Variants in TRMT9B observed in about 807,000 individuals in gnomAD.
The protein encoded by TRMT9B is tRNA methyltransferase 9B (putative), also known as probable tRNA methyltransferase 9B.
TRMT9B carries 16 observed loss-of-function variants against 11.5 expected under a neutral mutation model. The observed-to-expected ratio is 1.39, with a 90% CI of 0.94 to 2.11. The LOEUF is 2.11. Among genes scored for constraint, TRMT9B ranks in the 30% most tolerant of loss-of-function variants. The pLI is 0.00. For missense variants in TRMT9B, 941 were observed against 553.8 expected, an observed-to-expected ratio of 1.70 and a Z score of -7.02; for synonymous variants, 274 against 192.4, an observed-to-expected ratio of 1.42 and a Z score of -3.51.
intron 1 of TRMT9B, among the ~76,000 whole-genome samples, chr8:12,973,780 C>T (rs1293213015): frequency 6.6e-6 from 1 of 152,134 alleles, no homozygotes; most frequent in African/African-American, 2.4e-5. Flanking sequence ...CCATGAGATC[C>T]ACAAAACACT....
intron 2 of TRMT9B, among the ~76,000 whole-genome samples, chr8:13,004,073 C>A (rs1338140572): frequency 6.6e-6 from 1 of 151,928 alleles, no homozygotes; most frequent in Admixed American, 6.6e-5. Flanking sequence ...AGCCATGTGG[C>A]TGAACTCAGC....
intron 2 of TRMT9B, among the ~76,000 whole-genome samples, chr8:12,992,261 A>T (rs1490425282): frequency 2.6e-5 from 4 of 152,206 alleles, no homozygotes. Context: ...TGCCGTCCAA[A>T]AACTTATAAT....
chr8:13,016,094 G>GTATATATATATGATA (rs1441501045), intron 4 of TRMT9B, among the ~76,000 whole-genome samples: 3 of 141,414 alleles, frequency 2.1e-5, no homozygotes, highest in Admixed American at 7.2e-5. Flanking sequence ...AATCATATGG[G>GTATATATATATGATA]TATATATATA....
chr8:12,961,674 C>G (rs1031678306), intron 1 of TRMT9B: 1 of 143,788 alleles, frequency 7.0e-6, no homozygotes, highest in Non-Finnish European at 1.5e-5. Context: ...GCACTCCAGC[C>G]TGGGTGACAG....
intron 1 of TRMT9B, among the ~76,000 whole-genome samples, chr8:12,983,986 A>G (rs988310646): frequency 2.6e-5 from 4 of 152,186 alleles, no homozygotes; most frequent in Admixed American, 6.5e-5. Context: ...GTATATGAAC[A>G]TGATTGCTTA....
chr8:13,011,042 T>C, intron 3 of TRMT9B: 1 of 607,592 alleles, frequency 1.6e-6, no homozygotes, highest in Non-Finnish European at 2.1e-6. Flanking sequence ...TGGAGTGAGG[T>C]GATGCTACCC....
rs1381718317 is a variant in TRMT9B at position 13,023,155 on chromosome 8, G to C, written c.*1111G>C. The stretch of plus-strand genomic sequence containing the variant: ...TATTAGCAAGATTGTTATCAATCAT[G>C]CTTATTAGAAGGATGAATATCCAAG... On this transcript the variant is annotated 3_prime_UTR_variant, in exon 5 of 5. Transcript: ENST00000524591. 1.2e-5 allele frequency: 2 copies of C among 167,046 alleles called. No individual in the cohort carries two copies. The highest frequency in any genetic ancestry group is 4.1e-4 in the South Asian group (2 of 4,832). The allele number at this position is 167,046 out of a possible 1,614,324, so 10.3% of individuals were successfully genotyped here.
chr8:13,012,276 TAAA>T (rs748312519), intron 3 of TRMT9B: 63 of 941,182 alleles, frequency 6.7e-5, no homozygotes, highest in South Asian at 2.0e-4. Flanking sequence ...CTTGGTTAGT[TAAA>T]AAAAAAAAAA....
chr8:13,011,020 C>T, intron 3 of TRMT9B: 1 of 750,536 alleles, frequency 1.3e-6, no homozygotes, highest in Middle Eastern at 6.9e-4. Flanking sequence ...CTAACTCTGT[C>T]ATCACCTAGG....
At position 13,021,176 on chromosome 8, in the gene TRMT9B, C is replaced by A. The variant is rs368780276; in HGVS notation, c.497C>A (p.Ser166Tyr). 2.1e-5 allele frequency: 34 copies of A among 1,613,742 alleles called. No homozygotes were observed. The Middle Eastern group carries it at 5.0e-4, about 24-fold the overall frequency. The change falls in exon 5 of 5, where the codon TCC (serine) becomes TAC (tyrosine). Residue 166 changes from serine (S) to tyrosine (Y), a missense_variant. Transcript: ENST00000524591. ...VLVPWNRALC[S>Y]QLFSESSQSG... is the part of the protein sequence containing the mutation. ...GTTCCATGGAACAGGGCTCTGTGTT[C>A]CCAGCTCTTCTCAGAGTCCAGCCAG...
intron 3 of TRMT9B, chr8:13,012,371 G>T: frequency 2.9e-6 from 2 of 679,640 alleles, no homozygotes; most frequent in Non-Finnish European, 3.7e-6. Flanking sequence ...GAGGTTGGGA[G>T]TTCGAGACCA....
At position 13,028,695 on chromosome 8, in the gene TRMT9B, C is replaced by T. The variant is rs36090994; in HGVS notation, c.*6651C>T. ...GGTTTAAGCAATTCTCGTGCCTCAGCCTCCTGAATAGCTGGGATTACAGGA... is the reference window on the plus strand; with the variant it reads ...GGTTTAAGCAATTCTCGTGCCTCAGTCTCCTGAATAGCTGGGATTACAGGA... On this transcript the variant is annotated 3_prime_UTR_variant, in exon 5 of 5. Transcript: ENST00000524591. 7,339 of 152,778 alleles carry T rather than the reference C, an allele frequency of 0.048. 221 individuals are homozygous for T. Among genetic ancestry groups the T allele is most frequent in the South Asian group, 0.098 (471 of 4,794 alleles). The allele number at this position is 152,778 out of a possible 1,614,324, so 9.5% of individuals were successfully genotyped here.
intron 1 of TRMT9B, among the ~76,000 whole-genome samples, chr8:12,956,648 A>G (rs957016002): frequency 6.6e-6 from 1 of 152,234 alleles, no homozygotes; most frequent in Non-Finnish European, 1.5e-5. Flanking sequence ...GAGAAATAAT[A>G]GCACCTGGCT....
chr8:12,967,958 C>T (rs543516221), intron 1 of TRMT9B, among the ~76,000 whole-genome samples: 3 of 152,198 alleles, frequency 2.0e-5, no homozygotes, highest in African/African-American at 4.8e-5. Flanking sequence ...TGCAGTGGCA[C>T]GATCTTGGCT....
chr8:12,999,439 C>T (rs58097543), intron 2 of TRMT9B, among the ~76,000 whole-genome samples: 7 of 151,586 alleles, frequency 4.6e-5, no homozygotes, highest in East Asian at 1.9e-4. Context: ...TACACGCATA[C>T]GCACACACAT....
chr8:12,976,633 TA>T (rs1804498764), intron 1 of TRMT9B, among the ~76,000 whole-genome samples: 1 of 152,090 alleles, frequency 6.6e-6, no homozygotes, highest in South Asian at 2.1e-4. Context: ...CAGATTTCTG[TA>T]AAAAGTGGCA....
intron 1 of TRMT9B, among the ~76,000 whole-genome samples, chr8:12,949,552 T>C (rs1401471): frequency 0.33 from 50,037 of 152,116 alleles, 9,853 homozygotes; most frequent in Middle Eastern, 0.48. Flanking sequence ...CCGCTTATGA[T>C]GGCCTCAACT....
At chr8:13,001,916 T>A (rs1239756731) in intron 2 of TRMT9B, among the ~76,000 whole-genome samples, 1 of 152,192 alleles carries the variant, frequency 6.6e-6, no homozygotes, top group Non-Finnish European at 1.5e-5. Context: ...GCTCTTGTTT[T>A]AGTACTAGTC....
chr8:13,004,287 C>A (rs1241332083), intron 2 of TRMT9B, among the ~76,000 whole-genome samples: 2 of 151,800 alleles, frequency 1.3e-5, no homozygotes, highest in Non-Finnish European at 2.9e-5. Context: ...CCTCAGAGCC[C>A]GTGGACCAGG....
Sources: allele counts gnomAD v4.1 joint callset (sites outside exome capture counted in the v4.1 genomes callset), GRCh38; gene constraint gnomAD v4.1.1; transcripts MANE v1.5; gene names NCBI Gene and HGNC (gene_info 2026-07-23, HGNC 2026-07-21).